ATP10B: variants seen among roughly 807,000 people sequenced by gnomAD.
The protein encoded by ATP10B is phospholipid-transporting ATPase VB.
ATP10B carries 122 observed loss-of-function variants against 141.2 expected under a neutral mutation model. That is an observed-to-expected ratio of 0.86 (90% CI 0.75 to 1.00). ATP10B has a LOEUF of 1.00. ATP10B is among the 50% of genes least tolerant of loss of function. The pLI, the probability that ATP10B is intolerant of heterozygous loss-of-function variation, is 0.00. For synonymous variants in ATP10B, 685 were observed against 692.0 expected (o/e 0.99, Z 0.16); for missense variants, 1,876 against 1,825.3 (o/e 1.03, Z -0.51).
chr5:160,693,877 C>A (rs1764220383), intron 3 of ATP10B, among the ~76,000 whole-genome samples: 1 of 152,236 alleles, frequency 6.6e-6, no homozygotes, highest in African/African-American at 2.4e-5. Flanking sequence ...TGCTGCGCAG[C>A]ATGGTTCCCA....
At chr5:160,610,391 T>G (rs116255915) in intron 18 of ATP10B, among the ~76,000 whole-genome samples, 1 of 152,142 alleles carries the variant, frequency 6.6e-6, no homozygotes, top group Non-Finnish European at 1.5e-5. Context: ...CACCCACCTG[T>G]TGAGCCGTCA....
chr5:160,568,565 C>A (rs1178961687), intron 25 of ATP10B, among the ~76,000 whole-genome samples: 1 of 152,198 alleles, frequency 6.6e-6, no homozygotes, highest in Non-Finnish European at 1.5e-5. Context: ...AAGTTCACTG[C>A]TCTGACTAGA....
chr5:160,861,199 A>G, the ATP10B span, among the ~76,000 whole-genome samples: 2 of 151,744 alleles, frequency 1.3e-5, no homozygotes, highest in Non-Finnish European at 2.9e-5. Flanking sequence ...ATTTTCCTTT[A>G]ATTTTTCCAG....
intron 7 of ATP10B, among the ~76,000 whole-genome samples, chr5:160,659,339 C>A (rs1322975905): frequency 6.6e-6 from 1 of 152,004 alleles, no homozygotes; most frequent in East Asian, 1.9e-4. Flanking sequence ...GTAGTGGGCA[C>A]CTGTAATCCC....
chr5:160,816,080 C>T (rs915499880), intron 1 of ATP10B, among the ~76,000 whole-genome samples: 1 of 151,706 alleles, frequency 6.6e-6, no homozygotes, highest in African/African-American at 2.4e-5. Context: ...AAAATTGACA[C>T]CCTAACATCA....
chr5:160,640,716 G>T (rs1479954506), intron 9 of ATP10B, 124 bp from the exon 10 acceptor site: 8 of 1,307,782 alleles, frequency 6.1e-6, no homozygotes, highest in Non-Finnish European at 6.2e-6. Flanking sequence ...ACCTGAACTT[G>T]CCCCGCCTCA....
intron 6 of ATP10B, among the ~76,000 whole-genome samples, chr5:160,682,750 G>T (rs550956506): frequency 3.7e-4 from 57 of 152,138 alleles, no homozygotes; most frequent in Middle Eastern, 3.4e-3. Context: ...GAAAAACGAT[G>T]CTTTCTCGGC....
At chr5:160,590,914 C>A in intron 23 of ATP10B, 145 bp downstream of exon 23, 1 of 629,560 alleles carries the variant, frequency 1.6e-6, no homozygotes, top group South Asian at 2.3e-5. Context: ...TTTCAAACAC[C>A]TTGGGTTGGA....
At chr5:160,812,020 CAGAG>C (rs34793101) in intron 1 of ATP10B, among the ~76,000 whole-genome samples, 9,458 of 111,178 alleles carry the variant, frequency 0.085, 404 homozygotes, top group African/African-American at 0.13. Context: ...GAGACAGAGA[CAGAG>C]AGAGAGAGAG....
chr5:160,921,534 G>T, the ATP10B span, among the ~76,000 whole-genome samples: 1 of 152,118 alleles, frequency 6.6e-6, no homozygotes, highest in Non-Finnish European at 1.5e-5. Flanking sequence ...TCCTTTTACA[G>T]GTCTCAGAAC....
intron 3 of ATP10B, among the ~76,000 whole-genome samples, chr5:160,716,700 T>C (rs1561783679): frequency 6.6e-6 from 1 of 152,194 alleles, no homozygotes; most frequent in Non-Finnish European, 1.5e-5. Flanking sequence ...CTTTATGATG[T>C]AAAACAAATC....
chr5:160,764,608 T>C (rs1055753949), intron 2 of ATP10B, among the ~76,000 whole-genome samples: 3 of 152,134 alleles, frequency 2.0e-5, no homozygotes, highest in East Asian at 1.9e-4. Flanking sequence ...GCCAACATTA[T>C]ACTAAATGGA....
At chr5:160,783,622 C>A (rs1472470415) in intron 2 of ATP10B, among the ~76,000 whole-genome samples, 1 of 149,378 alleles carries the variant, frequency 6.7e-6, no homozygotes, top group African/African-American at 2.5e-5. Flanking sequence ...ACAGTTTCTT[C>A]ATCCACTCAC....
chr5:160,637,001 CATCA>C (rs1759437192), intron 10 of ATP10B, among the ~76,000 whole-genome samples: 1 of 112,256 alleles, frequency 8.9e-6, no homozygotes, highest in East Asian at 2.7e-4. Flanking sequence ...CCCACCCATC[CATCA>C]ATCCATCCAT....
intron 2 of ATP10B, among the ~76,000 whole-genome samples, chr5:160,740,757 A>T (rs968861297): frequency 3.9e-5 from 6 of 152,244 alleles, no homozygotes; most frequent in African/African-American, 9.6e-5. Flanking sequence ...AAGTACAAGA[A>T]GCCCTGAAAT....
At chr5:160,726,096 G>T (rs1766332950) in intron 2 of ATP10B, among the ~76,000 whole-genome samples, 1 of 152,156 alleles carries the variant, frequency 6.6e-6, no homozygotes, top group Non-Finnish European at 1.5e-5. Context: ...AAGCCACTGA[G>T]AGACGCGCGA....
chr5:160,867,567 C>G, the ATP10B span, among the ~76,000 whole-genome samples: 1 of 152,082 alleles, frequency 6.6e-6, no homozygotes, highest in Non-Finnish European at 1.5e-5. Context: ...ATCTAATGAT[C>G]TGCACATACT....
chr5:160,899,847 T>C, the ATP10B span, among the ~76,000 whole-genome samples: 1 of 152,168 alleles, frequency 6.6e-6, no homozygotes, highest in African/African-American at 2.4e-5. Context: ...AATTCTGGAA[T>C]GGGACACTCT....
At chr5:160,733,967 C>T (rs911323512) in intron 2 of ATP10B, among the ~76,000 whole-genome samples, 2 of 150,770 alleles carry the variant, frequency 1.3e-5, no homozygotes, top group African/African-American at 4.9e-5. Context: ...AGATGGGCAC[C>T]ACCGGTGGTG....
Sources: gnomAD v4.1 joint callset for allele counts (sites outside exome capture counted in the v4.1 genomes callset) on GRCh38, gnomAD v4.1.1 for gene constraint, MANE v1.5 for transcripts, NCBI Gene and HGNC (gene_info 2026-07-23, HGNC 2026-07-21) for gene names.